OSBPL10: variants seen among roughly 807,000 people sequenced by gnomAD.
The protein encoded by OSBPL10 is oxysterol-binding protein-related protein 10.
A neutral mutation model predicts 81.7 loss-of-function variants in OSBPL10; 49 were observed. The observed-to-expected ratio is 0.60, with a 90% CI of 0.48 to 0.76. The LOEUF (loss-of-function observed/expected upper bound fraction) is 0.76. OSBPL10 is among the 30% of genes least tolerant of loss of function. The pLI is 0.00. For synonymous variants in OSBPL10, 419 were observed against 383.6 expected (o/e 1.09, Z -1.08); for missense variants, 923 against 987.8 (o/e 0.93, Z 0.88).
chr3:31,841,328 C>T (rs1700492321), intron 3 of OSBPL10, among the ~76,000 whole-genome samples: 1 of 152,204 alleles, frequency 6.6e-6, no homozygotes, highest in Non-Finnish European at 1.5e-5. Context: ...TTTTTATTTA[C>T]TTATTTTTCT....
intron 7 of OSBPL10, among the ~76,000 whole-genome samples, chr3:31,698,187 C>T (rs927717611): frequency 2.0e-5 from 3 of 151,916 alleles, no homozygotes; most frequent in African/African-American, 4.8e-5. Flanking sequence ...TGGTGGCTCA[C>T]GTCTGTAATA....
intron 8 of OSBPL10, among the ~76,000 whole-genome samples, chr3:31,680,448 C>A (rs1311602661): frequency 6.6e-6 from 1 of 152,150 alleles, no homozygotes; most frequent in Non-Finnish European, 1.5e-5. Context: ...CCAGCACCTG[C>A]CCTGCATCCC....
Position 31,980,949 on chromosome 3 carries a change from G to T in OSBPL10, c.231C>A (p.Leu77=). The change falls in exon 1 of 12, where the codon CTC becomes CTA. Residue 77 remains leucine (L), a synonymous_variant. Transcript: ENST00000396556. The stretch of plus-strand genomic sequence containing the variant: ...TGGTGTATTTGCTGAGCACGCCCTC[G>T]AGCGCCGGCTCCCTCCTGCGGCCGC... The part of the protein sequence containing the change: ...GGGGRRREPA[L]EGVLSKYTNL... 6.3e-7 allele frequency: 1 copy of T among 1,577,966 alleles called. No individual in the cohort carries two copies. The highest frequency in any genetic ancestry group is 8.6e-7 in the Non-Finnish European group (1 of 1,165,906).
intron 4 of OSBPL10, among the ~76,000 whole-genome samples, chr3:31,749,048 C>A (rs1697628854): frequency 6.6e-6 from 1 of 152,212 alleles, no homozygotes; most frequent in Non-Finnish European, 1.5e-5. Flanking sequence ...ACAAAGCCCA[C>A]TGACATCAGA....
At chr3:31,982,970 T>C (rs2125511082), upstream of OSBPL10, among the ~76,000 whole-genome samples, 1 of 152,306 alleles carries the variant, frequency 6.6e-6, no homozygotes, top group East Asian at 1.9e-4. Context: ...AGTCATATGG[T>C]TCCACCATCT....
intron 1 of OSBPL10, among the ~76,000 whole-genome samples, chr3:31,970,843 C>G (rs1229365555): frequency 6.6e-6 from 1 of 152,182 alleles, no homozygotes; most frequent in African/African-American, 2.4e-5. Context: ...TCATCTCTGG[C>G]CACACTCCAC....
In OSBPL10 at chr3:31,899,671, T is replaced by G. The variant is rs79460575; in HGVS notation, c.282-19841A>C. On this transcript the variant is annotated intron_variant, in intron 1 of 11. Transcript: ENST00000396556. ...TAGGAGAGCCTATCTCTTTAAAAAA[T>G]AAAGAGAAAAGAAAGAAAGAAAAAT... 5.6e-3 allele frequency among the ~76,000 whole-genome samples: 848 copies of G among 151,908 alleles called. 5 individuals are homozygous for G. Among genetic ancestry groups the G allele is most frequent in the African/African-American group, 0.02 (820 of 41,402 alleles).
At chr3:31,802,464 G>C (rs1327824511) in intron 4 of OSBPL10, among the ~76,000 whole-genome samples, 1 of 150,246 alleles carries the variant, frequency 6.7e-6, no homozygotes, top group East Asian at 2.0e-4. Flanking sequence ...AACTTAGGAG[G>C]CTGAGGCAGG....
At chr3:31,675,116 C>T (rs1283492512) in intron 8 of OSBPL10, among the ~76,000 whole-genome samples, 3 of 152,134 alleles carry the variant, frequency 2.0e-5, no homozygotes, top group Non-Finnish European at 2.9e-5. Context: ...ATAACCTTGC[C>T]CCTGATGTCT....
At chr3:31,737,870 T>TA (rs1697231842) in intron 5 of OSBPL10, among the ~76,000 whole-genome samples, 4 of 151,924 alleles carry the variant, frequency 2.6e-5, no homozygotes, top group African/African-American at 9.7e-5. Context: ...CACGCACCTG[T>TA]AATCCCAGCT....
Position 31,774,210 on chromosome 3 carries a change from T to A in OSBPL10, c.730-26090A>T, listed in dbSNP as rs563939744. Among the ~76,000 whole-genome samples, 3 of 151,886 alleles carry A rather than the reference T, an allele frequency of 2.0e-5. No individual in the cohort carries two copies. The South Asian group carries it at 6.2e-4, about 32-fold the overall frequency. On this transcript the variant is annotated intron_variant, in intron 4 of 11. Coordinates refer to ENST00000396556, the MANE Select transcript of OSBPL10 (RefSeq NM_017784.5). ...ACAGACTGAAAACAGATGATGCTTT[T>A]CAGGAGATTCCTTTTAAAAGGGAGC...
intron 4 of OSBPL10, among the ~76,000 whole-genome samples, chr3:31,826,116 A>G: frequency 6.6e-6 from 1 of 152,102 alleles, no homozygotes; most frequent in Middle Eastern, 3.2e-3. Flanking sequence ...AGTTCCATAA[A>G]TTGTTTCCTC....
rs376182200 is a variant in OSBPL10 at position 32,040,419 on chromosome 3, T to C, written n.298+6072A>G. Among the ~76,000 whole-genome samples, 16 of 151,102 alleles carry C rather than the reference T, an allele frequency of 1.1e-4. No individual in the cohort carries two copies. In the East Asian group the frequency reaches 2.2e-3, roughly 21 times the overall value. ...AAGACCCCATCTCAAAAAATATATA[T>C]ATAGAAATTAGCCAGATGTGGTGGC... On this transcript the variant is annotated intron_variant and non_coding_transcript_variant, in intron 2 of 3. Transcript: ENST00000479173.
intron 1 of OSBPL10, among the ~76,000 whole-genome samples, chr3:31,905,034 G>A (rs1318987953): frequency 6.6e-6 from 1 of 152,108 alleles, no homozygotes; most frequent in Non-Finnish European, 1.5e-5. Context: ...CTACCTCACA[G>A]GACTTCAATG....
intron 4 of OSBPL10, among the ~76,000 whole-genome samples, chr3:31,827,027 C>G (rs1700117556): frequency 1.3e-5 from 2 of 152,150 alleles, no homozygotes; most frequent in Non-Finnish European, 2.9e-5. Context: ...AATATACTGT[C>G]ACCCAAGAGT....
rs1278516524 is a variant in OSBPL10 at position 32,064,969 on chromosome 3, A to T, written n.185+12427T>A. 3 of 93,636 alleles carry T rather than the reference A, an allele frequency of 3.2e-5. 1 individual carries two copies. The highest frequency in any genetic ancestry group is 2.7e-5 in the African/African-American group (1 of 36,398). 5.8% of individuals were successfully genotyped at this position (93,636 alleles called of 1,614,324 possible). Reference sequence around the variant, plus strand: ...AGATTTCTGAAAATCAGTGCTCGAAACATTTCTTTTTTCCTTTTTCTGTTA... The same window carrying T: ...AGATTTCTGAAAATCAGTGCTCGAATCATTTCTTTTTTCCTTTTTCTGTTA... On this transcript the variant is annotated intron_variant and non_coding_transcript_variant, in intron 1 of 3. Coordinates refer to the OSBPL10 transcript ENST00000479173.
intron 2 of OSBPL10, among the ~76,000 whole-genome samples, chr3:32,002,033 G>T (rs565989414): frequency 6.6e-6 from 1 of 152,294 alleles, no homozygotes; most frequent in South Asian, 2.1e-4. Context: ...GCAGGTTAGG[G>T]TTCAAACCCA....
intron 4 of OSBPL10, among the ~76,000 whole-genome samples, chr3:31,786,473 C>A (rs1352354063): frequency 6.6e-6 from 1 of 152,172 alleles, no homozygotes; most frequent in East Asian, 1.9e-4. Flanking sequence ...AGTCCAAGAT[C>A]AAGGTGCCTG....
At position 31,747,969 on chromosome 3, in the gene OSBPL10, T is replaced by C. The variant is rs768323621; in HGVS notation, c.881A>G (p.Asn294Ser). The change falls in exon 5 of 12, where the codon AAC (asparagine) becomes AGC (serine). Residue 294 changes from asparagine to serine, a missense_variant. By Grantham distance (46) the Asn-to-Ser change is conservative. This residue lies in a region of OSBPL10 where 514 missense variants were observed against 508.0 expected (regional missense o/e 1.01). Transcript: ENST00000396556. ...ATLSCLGECL[N>S]LLQQSVHQAG... ...CTGGTGCACACTCTGCTGTAACAAG[T>C]TGAGGCACTCCCCAAGGCAGCTGAG... 1.5e-4 allele frequency: 239 copies of C among 1,613,920 alleles called. No homozygotes were observed. Among genetic ancestry groups the C allele is most frequent in the Non-Finnish European group, 1.9e-4 (228 of 1,180,022 alleles).
Sources: allele counts gnomAD v4.1 joint callset (sites outside exome capture counted in the v4.1 genomes callset), GRCh38; gene constraint gnomAD v4.1.1; regional missense constraint gnomAD v4.1.1; transcripts MANE v1.5; gene names NCBI Gene and HGNC (gene_info 2026-07-23, HGNC 2026-07-21).